Variants in ISG20 observed in about 807,000 individuals in gnomAD.
ISG20 encodes the protein interferon-stimulated gene 20 kDa protein.
Under a neutral mutation model 11.1 loss-of-function variants are expected in ISG20, and 8 were observed. That is an observed-to-expected ratio of 0.72 (90% confidence interval 0.42 to 1.30). The LOEUF (loss-of-function observed/expected upper bound fraction) is 1.30, where lower values mean the gene tolerates loss of function less well. Among genes scored for constraint, ISG20 ranks in the 50% most tolerant of loss-of-function variants. The pLI is 0.01. For missense variants in ISG20, 243 were observed against 250.2 expected (o/e 0.97, Z 0.19); for synonymous variants, 110 against 101.7 (o/e 1.08, Z -0.49).
Position 88,652,233 on chromosome 15 carries a change from C to T in ISG20, c.352C>T (p.Arg118Cys), listed in dbSNP as rs77138387. The T allele has an allele frequency of 1.3e-5, 21 of 1,613,864 alleles. No homozygotes were observed. Among genetic ancestry groups the T allele is most frequent in the Middle Eastern group, 3.3e-4 (2 of 6,084 alleles). Reference sequence around the variant, plus strand: ...CACGTCCACTGACAGGCTGTTGTGGCGTGAGGCCAAGCTGGACCACTGCAG... The same window carrying T: ...CACGTCCACTGACAGGCTGTTGTGGTGTGAGGCCAAGCTGGACCACTGCAG... ...YDTSTDRLLW[R>C]EAKLDHCRRV... Residue 118 changes from arginine to cysteine, a missense_variant, in exon 3 of 4, where the codon CGT becomes TGT. By Grantham distance (180) the Arg-to-Cys change is radical. Transcript: ENST00000306072.
Position 88,640,088 on chromosome 15 carries a change from C to T in ISG20, c.228+494C>T, listed in dbSNP as rs572750138. 1.7e-3 allele frequency among the ~76,000 whole-genome samples: 253 copies of T among 152,330 alleles called. 1 individual carries two copies. The highest frequency in any genetic ancestry group is 5.9e-3 in the African/African-American group (247 of 41,570). On this transcript the variant is annotated intron_variant, in intron 2 of 3. Coordinates refer to ENST00000306072, the MANE Select transcript of ISG20 (RefSeq NM_002201.6). ...GTCTGCTCAGTTTGAATCCTGAGTTCGTGGTCCAGGGATTTCCTGCACTCT... is the reference window on the plus strand; with the variant it reads ...GTCTGCTCAGTTTGAATCCTGAGTTTGTGGTCCAGGGATTTCCTGCACTCT...
rs764102763 is a variant in ISG20, at chr15:88,650,600, G to A, written c.229-1510G>A. The A allele has an allele frequency of 9.5e-5, 53 of 560,754 alleles. No individual in the cohort carries two copies. The highest frequency in any genetic ancestry group is 1.4e-4 in the Non-Finnish European group (49 of 359,122). The allele number at this position is 560,754 out of a possible 1,614,324, so 34.7% of individuals were successfully genotyped here. ...CTGCAGTTTGGGCAGGTGCTCTGCA[G>A]CAGGACAGGCCGTCAGTTAAGGCAC... On this transcript the variant is annotated intron_variant, in intron 2 of 3. Coordinates refer to ENST00000306072, the MANE Select transcript of ISG20 (RefSeq NM_002201.6). The surrounding 1 kb of genome is among the most constrained non-coding windows in gnomAD (Gnocchi z 4.0).
chr15:88,653,400 C>T (rs2058320426), intron 3 of ISG20, among the ~76,000 whole-genome samples: 3 of 152,214 alleles, frequency 2.0e-5, no homozygotes, highest in African/African-American at 7.2e-5. Flanking sequence ...AAGCCTGAGG[C>T]TCGGGGAGGG....
At position 88,650,450 on chromosome 15, in the gene ISG20, T is replaced by C. The variant is rs1353900860; in HGVS notation, c.229-1660T>C. The stretch of plus-strand genomic sequence containing the variant: ...CAGGCGGGCTCTGGATTCATCCCAC[T>C]GGCTTCAAGGCCTGGCTTTGCCACT... On this transcript the variant is annotated intron_variant, in intron 2 of 3. Coordinates refer to ENST00000306072, the MANE Select transcript of ISG20 (RefSeq NM_002201.6). This position sits in a 1 kb window ranked among gnomAD's most constrained non-coding sequence, Gnocchi z 4.0. 16 of 1,464,442 alleles carry C rather than the reference T, an allele frequency of 1.1e-5. No individual in the cohort carries two copies. The Admixed American group carries it at 2.1e-4, about 19-fold the overall frequency. 90.7% of individuals were successfully genotyped at this position (1,464,442 alleles called of 1,614,324 possible).
intron 2 of ISG20, among the ~76,000 whole-genome samples, chr15:88,640,810 T>C (rs951213703): frequency 1.3e-5 from 2 of 151,416 alleles, no homozygotes; most frequent in Non-Finnish European, 2.9e-5. Flanking sequence ...CAAAAAAAAG[T>C]ACAAAAATTA....
chr15:88,641,001 A>T (rs116144860), intron 2 of ISG20, among the ~76,000 whole-genome samples: 8,099 of 148,048 alleles, frequency 0.055, 661 homozygotes, highest in African/African-American at 0.19. Context: ...TTTTATTATT[A>T]TTTTTTTTTT....
In ISG20 at chr15:88,650,258, G is replaced by A. The variant is rs911734236; in HGVS notation, c.229-1852G>A. ...AGGTCCCCTTCCCATCCTCTCCAAC[G>A]GCAGCTGAGTGAAAGCAAGCTGACT... On this transcript the variant is annotated intron_variant, in intron 2 of 3. Transcript: ENST00000306072. This position sits in a 1 kb window ranked among gnomAD's most constrained non-coding sequence, Gnocchi z 4.0. 2 of 1,535,666 alleles carry A rather than the reference G, an allele frequency of 1.3e-6. No individual in the cohort carries two copies. The highest frequency in any genetic ancestry group is 2.0e-5 in the Admixed American group (1 of 50,996).
In ISG20 at chr15:88,650,116, G is replaced by A; in HGVS notation, c.229-1994G>A. ...GGCTCTTTCCTGGTGTACAGGCTAAGGTCGTGGGCTACATGCAGAGAAGGA... is the reference window on the plus strand; with the variant it reads ...GGCTCTTTCCTGGTGTACAGGCTAAAGTCGTGGGCTACATGCAGAGAAGGA... On this transcript the variant is annotated intron_variant, in intron 2 of 3. Transcript: ENST00000306072. This position sits in a 1 kb window ranked among gnomAD's most constrained non-coding sequence, Gnocchi z 4.0. 1.2e-6 allele frequency: 1 copy of A among 807,172 alleles called. No homozygotes were observed. Among genetic ancestry groups the A allele is most frequent in the Non-Finnish European group, 2.1e-6 (1 of 486,572 alleles). The allele number at this position is 807,172 out of a possible 1,614,324, so 50.0% of individuals were successfully genotyped here.
At chr15:88,654,622 C>T (rs375476978) in intron 3 of ISG20, among the ~76,000 whole-genome samples, 1 of 152,198 alleles carries the variant, frequency 6.6e-6, no homozygotes, top group East Asian at 1.9e-4. Flanking sequence ...AGGATTTGCC[C>T]TGTGTACTCG....
intron 3 of ISG20, among the ~76,000 whole-genome samples, chr15:88,652,773 T>C (rs1245535881): frequency 6.7e-6 from 1 of 149,492 alleles, no homozygotes; most frequent in African/African-American, 2.5e-5. Context: ...AACAAAGGTT[T>C]GCTTTTGTTG....
intron 2 of ISG20, among the ~76,000 whole-genome samples, chr15:88,646,088 C>T (rs2058167991): frequency 6.6e-6 from 1 of 152,192 alleles, no homozygotes; most frequent in Non-Finnish European, 1.5e-5. Context: ...AGCAAGCACA[C>T]TGTCTTTAGA....
At chr15:88,644,168 TA>T (rs1270907970) in intron 2 of ISG20, among the ~76,000 whole-genome samples, 2 of 151,960 alleles carry the variant, frequency 1.3e-5, no homozygotes, top group African/African-American at 4.8e-5. Flanking sequence ...CATGGGAGGA[TA>T]AAAACCAGTT....
At position 88,643,992 on chromosome 15, in the gene ISG20, G is replaced by C. The variant is rs978792044; in HGVS notation, c.228+4398G>C. On this transcript the variant is annotated intron_variant, in intron 2 of 3. Transcript: ENST00000306072. The surrounding 1 kb of genome is among the most constrained non-coding windows in gnomAD (Gnocchi z 4.4). Reference sequence around the variant, plus strand: ...CTGGAGCATTTGTATTTGGGATGCTGTACCTGTATCAACAGTACAGTGTGG... The same window carrying C: ...CTGGAGCATTTGTATTTGGGATGCTCTACCTGTATCAACAGTACAGTGTGG... Among the ~76,000 whole-genome samples, 17 of 152,194 alleles carry C rather than the reference G, an allele frequency of 1.1e-4. No individual in the cohort carries two copies. Among genetic ancestry groups the C allele is most frequent in the African/African-American group, 4.1e-4 (17 of 41,444 alleles).
At chr15:88,645,708 A>G (rs1273511249) in intron 2 of ISG20, among the ~76,000 whole-genome samples, 2 of 152,028 alleles carry the variant, frequency 1.3e-5, no homozygotes, top group Non-Finnish European at 2.9e-5. Flanking sequence ...CTCTCCCTAG[A>G]AATACCATCA....
In ISG20 at chr15:88,639,985, C is replaced by T. The variant is rs1396968611; in HGVS notation, c.228+391C>T. 2.0e-5 allele frequency among the ~76,000 whole-genome samples: 3 copies of T among 152,212 alleles called. No individual in the cohort carries two copies. The highest frequency in any genetic ancestry group is 3.9e-4 in the East Asian group (2 of 5,194). On this transcript the variant is annotated intron_variant, in intron 2 of 3. Coordinates refer to ENST00000306072, the MANE Select transcript of ISG20 (RefSeq NM_002201.6). This position sits in a 1 kb window ranked among gnomAD's most constrained non-coding sequence, Gnocchi z 4.2. The stretch of plus-strand genomic sequence containing the variant: ...GAGGCTCTGGCAAGAGGCTTTGGCC[C>T]TCCCAGTCCTGGAGAACAGGCTGAG...
rs1460077081 is a variant in ISG20, at chr15:88,656,478, A to G, written c.*947A>G. 1 of 151,644 alleles carries G rather than the reference A, an allele frequency of 6.6e-6. No individual in the cohort carries two copies. Among genetic ancestry groups the G allele is most frequent in the African/African-American group, 2.4e-5 (1 of 41,224 alleles). The allele number at this position is 151,644 out of a possible 1,614,324, so 9.4% of individuals were successfully genotyped here. A position where few individuals can be genotyped will look rare whatever the true frequency, so the allele number is the denominator to read the frequency against. On this transcript the variant is annotated 3_prime_UTR_variant, in exon 4 of 4. Coordinates refer to ENST00000306072, the MANE Select transcript of ISG20 (RefSeq NM_002201.6). ...CTTCCACTAAATAAAAATCATTGGAATGGTGTCCAAGCAATTTTTTTTTTT... is the reference window on the plus strand; with the variant it reads ...CTTCCACTAAATAAAAATCATTGGAGTGGTGTCCAAGCAATTTTTTTTTTT...
intron 3 of ISG20, among the ~76,000 whole-genome samples, chr15:88,652,943 G>A (rs959759377): frequency 6.6e-6 from 1 of 151,880 alleles, no homozygotes; most frequent in Non-Finnish European, 1.5e-5. Context: ...ACCAGCTGCT[G>A]CTGCTCCTGG....
At chr15:88,654,147 G>C in intron 3 of ISG20, among the ~76,000 whole-genome samples, 1 of 152,142 alleles carries the variant, frequency 6.6e-6, no homozygotes, top group East Asian at 1.9e-4. Context: ...AAAGGGTGCT[G>C]GTGCTGCATT....
At chr15:88,649,762 G>C (rs149302920) in intron 2 of ISG20, 207 of 163,066 alleles carry the variant, frequency 1.3e-3, no homozygotes, top group African/African-American at 4.5e-3. Flanking sequence ...ACTCAAGTTT[G>C]AGAAGCGCTG....
Sources: gnomAD v4.1 joint callset for allele counts (sites outside exome capture counted in the v4.1 genomes callset) on GRCh38, gnomAD v4.1.1 for gene constraint, Gnocchi (gnomAD v3.1) non-coding constraint, MANE v1.5 for transcripts, NCBI Gene and HGNC (gene_info 2026-07-23, HGNC 2026-07-21) for gene names.